Variants in MAD2L2 observed in about 807,000 individuals in gnomAD.
The protein encoded by MAD2L2 is mitotic arrest deficient 2 like 2, also known as mitotic spindle assembly checkpoint protein MAD2B.
In MAD2L2, 17 loss-of-function variants were observed where a neutral mutation model predicts 30.5. The ratio of observed to expected loss-of-function variants is 0.56; its 90% CI spans 0.38 to 0.84. MAD2L2 has a LOEUF of 0.84. MAD2L2 is among the 40% of genes least tolerant of loss of function. The pLI, the probability that MAD2L2 is intolerant of heterozygous loss-of-function variation, is 0.00. For synonymous variants in MAD2L2, 101 were observed against 113.9 expected (o/e 0.89, Z 0.72); for missense variants, 213 against 277.4 (o/e 0.77, Z 1.65).
At chr1:11,675,024 G>T in intron 8 of MAD2L2, 58 bp downstream of exon 8, 2 of 1,439,434 alleles carry the variant, frequency 1.4e-6, no homozygotes, top group Non-Finnish European at 1.9e-6. Context: ...CTCAGCACCG[G>T]GCCTCACTTC....
rs536134473 is a variant in MAD2L2, at chr1:11,691,147, C to T, written c.-692+266G>A. 2.7e-3 allele frequency among the ~76,000 whole-genome samples: 408 copies of T among 152,316 alleles called. 1 individual carries two copies. The highest frequency in any genetic ancestry group is 4.3e-3 in the Non-Finnish European group (293 of 68,026). On this transcript the variant is annotated intron_variant, in intron 1 of 10. Coordinates refer to the MAD2L2 transcript ENST00000235310. Reference sequence around the variant, plus strand: ...CGGCTACAAAGGCCCCGCCGTTCCCCGTCCCGCCTCCCCCGCCCTGGGCAT... The same window carrying T: ...CGGCTACAAAGGCCCCGCCGTTCCCTGTCCCGCCTCCCCCGCCCTGGGCAT...
chr1:11,676,794 T>C, intron 5 of MAD2L2, 54 bp downstream of exon 5: 1 of 1,436,304 alleles, frequency 7.0e-7, no homozygotes, highest in Non-Finnish European at 9.8e-7. Flanking sequence ...GGTGGGTGTG[T>C]TGCCAGAGAC....
upstream of MAD2L2, among the ~76,000 whole-genome samples, chr1:11,683,493 T>C (rs771603549): frequency 1.3e-5 from 2 of 151,408 alleles, no homozygotes; most frequent in Non-Finnish European, 2.9e-5. Flanking sequence ...ATAGGAATGA[T>C]ATATTGGACT....
At chr1:11,681,627 G>C (rs1640882175), upstream of MAD2L2, 1 of 152,234 alleles carries the variant, frequency 6.6e-6, no homozygotes, top group South Asian at 2.1e-4. Flanking sequence ...AAAAGAGGGC[G>C]TGCACCGGCG....
upstream of MAD2L2, among the ~76,000 whole-genome samples, chr1:11,683,191 G>A (rs79721113): frequency 0.012 from 1,779 of 152,214 alleles, 36 homozygotes; most frequent in African/African-American, 0.04. Flanking sequence ...GGGCATTGGG[G>A]CTCAAGTCAG....
chr1:11,683,980 C>T (rs1216935631), upstream of MAD2L2, among the ~76,000 whole-genome samples: 2 of 151,852 alleles, frequency 1.3e-5, no homozygotes, highest in Admixed American at 1.3e-4. Flanking sequence ...CTCAAAAAAA[C>T]AAAAAAAGTC....
At chr1:11,675,789 C>T in intron 6 of MAD2L2, 58 bp from the exon 7 acceptor site, 1 of 1,397,596 alleles carries the variant, frequency 7.2e-7, no homozygotes, top group Non-Finnish European at 1.0e-6. Context: ...AGCCACTGGG[C>T]CCAGCCTCTT....
At chr1:11,676,286 C>A in intron 5 of MAD2L2, 146 bp from the exon 6 acceptor site, 1 of 598,942 alleles carries the variant, frequency 1.7e-6, no homozygotes, top group Non-Finnish European at 3.0e-6. Flanking sequence ...CTATCCGGTC[C>A]ACACAATTAA....
intron 1 of MAD2L2, 113 bp downstream of exon 1, chr1:11,680,926 G>A (rs1471083735): frequency 3.9e-5 from 17 of 431,462 alleles, no homozygotes; most frequent in Non-Finnish European, 5.9e-5. Flanking sequence ...CCAGGGCCGG[G>A]AGCGCAAAGC....
intron 3 of MAD2L2, among the ~76,000 whole-genome samples, chr1:11,679,924 G>A (rs1640837683): frequency 6.6e-6 from 1 of 151,436 alleles, no homozygotes; most frequent in Non-Finnish European, 1.5e-5. Flanking sequence ...GGAACTGGAA[G>A]GCATTGGAAG....
chr1:11,691,321 G>A lies in MAD2L2; in HGVS notation c.-692+92C>T, dbSNP rs149210177. The A allele has an allele frequency of 1.7e-3, 262 of 152,160 alleles. 3 individuals are homozygous for A. In the East Asian group the frequency reaches 0.021, roughly 12 times the overall value. The allele number at this position is 152,160 out of a possible 1,614,324, so 9.4% of individuals were successfully genotyped here. ...CGCCCGCCGCGGCCCTTTGTCGCCC[G>A]CCCTGCGCGGGGCCGCTCCAGAGGC... On this transcript the variant is annotated intron_variant, in intron 1 of 10. Coordinates refer to the MAD2L2 transcript ENST00000235310.
Position 11,677,611 on chromosome 1 carries a change from AC to A in MAD2L2, c.162del (p.Met54IlefsTer7). 2 of 1,612,750 alleles carry A rather than the reference AC, an allele frequency of 1.2e-6. No homozygotes were observed. The highest frequency in any genetic ancestry group is 1.7e-6 in the Non-Finnish European group (2 of 1,179,860). On this transcript the variant is annotated frameshift_variant and splice_region_variant, in exon 4 of 9. Coordinates refer to ENST00000376692, the MANE Select transcript of MAD2L2 (RefSeq NM_006341.4). LOFTEE classifies it high-confidence loss of function. ...TACTGATTCAGCTCCGGGTGGCAGG[AC>A]ATCTGCACACAATACCATGCGGCTC... Reference protein sequence around the residue: ...KRKKYNVPVQMSCHPELNQYI... With the variant: ...KRKKYNVPVQXSCHPELNQYI...
chr1:11,691,575 G>C (rs1411275777), exon 1 of MAD2L2: 5 of 151,532 alleles, frequency 3.3e-5, no homozygotes, highest in Non-Finnish European at 7.4e-5. Context: ...CGCGCTGGCC[G>C]GGTGCGCGCC....
rs893344286 is a variant in MAD2L2 at position 11,687,314 on chromosome 1, A to T, written c.-692+4099T>A. Among the ~76,000 whole-genome samples, 2 of 152,182 alleles carry T rather than the reference A, an allele frequency of 1.3e-5. No homozygotes were observed. Among genetic ancestry groups the T allele is most frequent in the Non-Finnish European group, 2.9e-5 (2 of 68,036 alleles). On this transcript the variant is annotated intron_variant, in intron 1 of 10. Coordinates refer to the MAD2L2 transcript ENST00000235310. The surrounding 1 kb of genome is among the most constrained non-coding windows in gnomAD (Gnocchi z 4.1). ...GAGGGCGGTGGTGCAATCTCGGCTC[A>T]ATGAAATCTCTGCCTCCCCGATTCA...
chr1:11,676,033 G>A lies in MAD2L2; in HGVS notation c.427+13C>T, dbSNP rs369306059. 3 of 1,607,890 alleles carry A rather than the reference G, an allele frequency of 1.9e-6. No individual in the cohort carries two copies. The African/African-American group carries it at 4.0e-5, about 21-fold the overall frequency. On this transcript the variant is annotated intron_variant, in intron 6 of 8. Transcript: ENST00000376692. Reference sequence around the variant, plus strand: ...GAAATGCCAAGGGAAGAGAGGGTGGGGAGTGGACACACCTGGGGGGTTGTG... The same window carrying A: ...GAAATGCCAAGGGAAGAGAGGGTGGAGAGTGGACACACCTGGGGGGTTGTG...
At position 11,687,768 on chromosome 1, in the gene MAD2L2, A is replaced by G. The variant is rs114161173; in HGVS notation, c.-692+3645T>C. Among the ~76,000 whole-genome samples, 657 of 152,338 alleles carry G rather than the reference A, an allele frequency of 4.3e-3. 3 individuals carry two copies. The highest frequency in any genetic ancestry group is 0.015 in the African/African-American group (616 of 41,580). On this transcript the variant is annotated intron_variant, in intron 1 of 10. Coordinates refer to the MAD2L2 transcript ENST00000235310. The surrounding 1 kb of genome is among the most constrained non-coding windows in gnomAD (Gnocchi z 4.1). Reference sequence around the variant, plus strand: ...TTGTTCCACTTAGCATAATGTTTTCAAGATTCATCCAGGTCGAATCACATA... The same window carrying G: ...TTGTTCCACTTAGCATAATGTTTTCGAGATTCATCCAGGTCGAATCACATA...
chr1:11,684,067 A>C (rs1640917281), upstream of MAD2L2, among the ~76,000 whole-genome samples: 1 of 152,168 alleles, frequency 6.6e-6, no homozygotes. Flanking sequence ...GGAGGGATTC[A>C]AACCCATCTG....
upstream of MAD2L2, among the ~76,000 whole-genome samples, chr1:11,685,851 C>T (rs1640948205): frequency 6.6e-6 from 1 of 152,028 alleles, no homozygotes; most frequent in South Asian, 2.1e-4. Flanking sequence ...ACTTAGGGGG[C>T]TGAGGTGGGA....
intron 3 of MAD2L2, among the ~76,000 whole-genome samples, chr1:11,677,826 G>A (rs1425113029): frequency 6.6e-6 from 1 of 151,930 alleles, no homozygotes. Flanking sequence ...TTGGGAGGCC[G>A]AGGCAGGTGG....
Sources: allele counts gnomAD v4.1 joint callset (sites outside exome capture counted in the v4.1 genomes callset), GRCh38; gene constraint gnomAD v4.1.1; non-coding constraint Gnocchi (gnomAD v3.1); transcripts MANE v1.5; gene names NCBI Gene and HGNC (gene_info 2026-07-23, HGNC 2026-07-21).